PRKACB: variants seen among roughly 807,000 people sequenced by gnomAD.
PRKACB encodes cAMP-dependent protein kinase catalytic subunit beta.
A neutral mutation model predicts 51.4 loss-of-function variants in PRKACB; 16 were observed. The observed-to-expected ratio is 0.31, with a 90% confidence interval of 0.21 to 0.47. The LOEUF (loss-of-function observed/expected upper bound fraction) is 0.47. Among genes scored for constraint, PRKACB ranks in the 20% least tolerant of loss-of-function variants. The pLI, the probability that PRKACB is intolerant of heterozygous loss-of-function variation, is 1.00. For synonymous variants in PRKACB, 147 were observed against 154.4 expected, an observed-to-expected ratio of 0.95 and a Z score of 0.35; for missense variants, 309 against 464.5, an observed-to-expected ratio of 0.67 and a Z score of 3.08.
At position 84,089,909 on chromosome 1, in the gene PRKACB, C is replaced by A. The variant is rs1285965200; in HGVS notation, c.46+11538C>A. ...TCTCACTTTCATTTTTTCTTCTTAA[C>A]CATTCTAGATTACTTGGTCCCAAAA... is the stretch of plus-strand genomic sequence containing the variant. On this transcript the variant is annotated intron_variant, in intron 1 of 8. Transcript: ENST00000370688. Among the ~76,000 whole-genome samples the A allele has an allele frequency of 2.0e-5, 3 of 152,120 alleles. No homozygotes were observed. The East Asian group carries it at 5.8e-4, about 29-fold the overall frequency.
chr1:84,182,058 A>C, intron 2 of PRKACB, 142 bp from the exon 3 acceptor site: 1 of 625,936 alleles, frequency 1.6e-6, no homozygotes, highest in Non-Finnish European at 2.4e-6. Flanking sequence ...ATAAACTGGA[A>C]TCTCAATAGC....
chr1:84,082,549 T>TAGTTGATAA (rs373999226), intron 1 of PRKACB, among the ~76,000 whole-genome samples: 281 of 152,274 alleles, frequency 1.8e-3, no homozygotes, highest in African/African-American at 6.5e-3. Context: ...TCTTGCCCAA[T>TAGTTGATAA]AGTTGATAAA....
chr1:84,161,960 C>T (rs1183508801), intron 1 of PRKACB, among the ~76,000 whole-genome samples: 1 of 151,840 alleles, frequency 6.6e-6, no homozygotes, highest in African/African-American at 2.4e-5. Context: ...AGTATTATTT[C>T]CTCTCAGCTT....
At chr1:84,128,266 A>T (rs943297135) in intron 1 of PRKACB, among the ~76,000 whole-genome samples, 2 of 148,424 alleles carry the variant, frequency 1.3e-5, no homozygotes, top group African/African-American at 2.5e-5. Flanking sequence ...AAGCAAAATT[A>T]AAAAAAAAAG....
At chr1:84,160,183 G>A (rs1656006743) in intron 1 of PRKACB, among the ~76,000 whole-genome samples, 1 of 151,924 alleles carries the variant, frequency 6.6e-6, no homozygotes, top group Non-Finnish European at 1.5e-5. Context: ...AAGCCATCTC[G>A]ACTTGAGCTT....
intron 7 of PRKACB, among the ~76,000 whole-genome samples, chr1:84,199,009 A>G (rs1479066631): frequency 6.8e-6 from 1 of 147,742 alleles, no homozygotes; most frequent in Non-Finnish European, 1.5e-5. Context: ...GTATATATAC[A>G]TATATGCGTA....
At chr1:84,131,698 C>A (rs943953186) in intron 1 of PRKACB, among the ~76,000 whole-genome samples, 2 of 152,136 alleles carry the variant, frequency 1.3e-5, no homozygotes, top group African/African-American at 4.8e-5. Flanking sequence ...AGACTCATGG[C>A]CGAGATCTGC....
At chr1:84,185,728 T>C (rs1321792931) in intron 5 of PRKACB, among the ~76,000 whole-genome samples, 2 of 152,202 alleles carry the variant, frequency 1.3e-5, no homozygotes, top group Non-Finnish European at 2.9e-5. Context: ...CTCAGAGTTA[T>C]TAAAATAGGT....
Position 84,235,546 on chromosome 1 carries a change from G to T in PRKACB, c.*241G>T. ...CTAGACCACTTTCTTACTTCTCTTT[G>T]GGTTGTCTTTCTCCTCTCCTATATC... On this transcript the variant is annotated 3_prime_UTR_variant, in exon 10 of 10. Coordinates refer to ENST00000370685, the MANE Select transcript of PRKACB (RefSeq NM_182948.4). 2.4e-6 allele frequency: 1 copy of T among 408,738 alleles called. No individual in the cohort carries two copies. The highest frequency in any genetic ancestry group is 4.3e-6 in the Non-Finnish European group (1 of 230,278). The allele number at this position is 408,738 out of a possible 1,614,324, so 25.3% of individuals were successfully genotyped here. A position where few individuals can be genotyped will look rare whatever the true frequency, so the allele number is the denominator to read the frequency against.
intron 7 of PRKACB, among the ~76,000 whole-genome samples, chr1:84,199,132 T>TATATACAC (rs1553181672): frequency 8.8e-5 from 13 of 147,296 alleles, no homozygotes; most frequent in African/African-American, 3.2e-4. Context: ...TATATATATA[T>TATATACAC]ACACACACAT....
chr1:84,232,632 C>G (rs1262558888), intron 9 of PRKACB, among the ~76,000 whole-genome samples: 2 of 152,066 alleles, frequency 1.3e-5, no homozygotes, highest in African/African-American at 4.8e-5. Flanking sequence ...ATAGTTAGCT[C>G]TTCTTGTTGA....
intron 1 of PRKACB, among the ~76,000 whole-genome samples, chr1:84,156,869 A>G (rs1049245564): frequency 2.0e-5 from 3 of 152,120 alleles, no homozygotes; most frequent in Non-Finnish European, 4.4e-5. Context: ...GTCCTCTTTA[A>G]TCAGATATAC....
chr1:84,111,931 G>A (rs910100386), intron 1 of PRKACB, among the ~76,000 whole-genome samples: 1 of 152,038 alleles, frequency 6.6e-6, no homozygotes, highest in Non-Finnish European at 1.5e-5. Flanking sequence ...ATATAAGATT[G>A]GGAAAATAGC....
intron 1 of PRKACB, among the ~76,000 whole-genome samples, chr1:84,115,983 T>C (rs960157585): frequency 2.6e-5 from 4 of 151,888 alleles, no homozygotes; most frequent in Admixed American, 1.3e-4. Flanking sequence ...TTTTTATAAT[T>C]TGTGGTCTTA....
chr1:84,145,473 C>A (rs1358976112), intron 1 of PRKACB, among the ~76,000 whole-genome samples: 1 of 152,084 alleles, frequency 6.6e-6, no homozygotes, highest in Non-Finnish European at 1.5e-5. Flanking sequence ...AGCTTAACAA[C>A]CACAACAGCA....
upstream of PRKACB, among the ~76,000 whole-genome samples, chr1:84,142,083 G>A (rs768947510): frequency 6.6e-5 from 10 of 151,882 alleles, no homozygotes; most frequent in Non-Finnish European, 1.3e-4. Context: ...TCAAGTATTC[G>A]GTGATTCTAC....
At chr1:84,217,191 G>A (rs901438674) in intron 9 of PRKACB, among the ~76,000 whole-genome samples, 2 of 152,142 alleles carry the variant, frequency 1.3e-5, no homozygotes, top group African/African-American at 4.8e-5. Context: ...TAGATGGATT[G>A]GCCCAGGCTC....
intron 1 of PRKACB, among the ~76,000 whole-genome samples, chr1:84,115,022 A>G (rs1650521194): frequency 6.6e-6 from 1 of 152,172 alleles, no homozygotes; most frequent in Non-Finnish European, 1.5e-5. Context: ...TCTTTGATAC[A>G]CTGTCTTCTT....
At chr1:84,108,188 C>CA (rs1649935975) in intron 1 of PRKACB, among the ~76,000 whole-genome samples, 1 of 152,040 alleles carries the variant, frequency 6.6e-6, no homozygotes, top group African/African-American at 2.4e-5. Context: ...ATGGGTGGAA[C>CA]TGGAGGCCAT....
Sources: allele counts gnomAD v4.1 joint callset (sites outside exome capture counted in the v4.1 genomes callset), GRCh38; gene constraint gnomAD v4.1.1; transcripts MANE v1.5; gene names NCBI Gene and HGNC (gene_info 2026-07-23, HGNC 2026-07-21).